Variants in CA10 observed in about 807,000 individuals in gnomAD.
CA10 encodes carbonic anhydrase 10 (inactive).
A neutral mutation model predicts 44.2 loss-of-function variants in CA10; 14 were observed. That is an observed-to-expected ratio of 0.32 (90% CI 0.21 to 0.50). The LOEUF is 0.50. CA10 is among the 20% of genes least tolerant of loss of function. The pLI is 0.99. For synonymous variants in CA10, 159 were observed against 141.6 expected, an observed-to-expected ratio of 1.12 and a Z score of -0.87; for missense variants, 350 against 409.7, an observed-to-expected ratio of 0.85 and a Z score of 1.26.
rs184916249 is a variant in CA10 at position 51,781,603 on chromosome 17, G to A, written c.280-33785C>T. Among the ~76,000 whole-genome samples the A allele has an allele frequency of 1.7e-3, 256 of 152,264 alleles. 2 individuals carry two copies. The highest frequency in any genetic ancestry group is 0.014 in the South Asian group (69 of 4,822). ...CCACTGGACTTTGAGTTCCTTGAAA[G>A]TGGACCAATTCATTTGTCATCTACA... On this transcript the variant is annotated intron_variant, in intron 3 of 8. Coordinates refer to ENST00000451037, the MANE Select transcript of CA10 (RefSeq NM_020178.5).
intron 3 of CA10, among the ~76,000 whole-genome samples, chr17:51,770,408 C>A (rs147178838): frequency 6.6e-6 from 1 of 151,896 alleles, no homozygotes; most frequent in Non-Finnish European, 1.5e-5. Flanking sequence ...AACCCTCCCC[C>A]GAGACCCTAG....
At chr17:52,025,675 A>C (rs1986278054) in intron 2 of CA10, among the ~76,000 whole-genome samples, 1 of 152,142 alleles carries the variant, frequency 6.6e-6, no homozygotes, top group South Asian at 2.1e-4. Flanking sequence ...TGCCATTTCT[A>C]TTCATGAATG....
At chr17:51,718,917 T>C (rs1916266733) in intron 4 of CA10, among the ~76,000 whole-genome samples, 2 of 152,342 alleles carry the variant, frequency 1.3e-5, no homozygotes, top group South Asian at 4.1e-4. Context: ...CTTTTCTCCA[T>C]ATCTCATACT....
intron 3 of CA10, among the ~76,000 whole-genome samples, chr17:51,875,975 T>G (rs1410407316): frequency 6.6e-6 from 1 of 152,172 alleles, no homozygotes; most frequent in Non-Finnish European, 1.5e-5. Context: ...TATATGCTAT[T>G]GCATTTATCA....
At chr17:52,139,039 G>C (rs563380605) in intron 1 of CA10, among the ~76,000 whole-genome samples, 1 of 152,142 alleles carries the variant, frequency 6.6e-6, no homozygotes, top group East Asian at 1.9e-4. Flanking sequence ...TGAAGAAATG[G>C]AATGCAATCA....
At chr17:52,014,566 G>T (rs1005092) in intron 2 of CA10, among the ~76,000 whole-genome samples, 55,088 of 151,894 alleles carry the variant, frequency 0.36, 10,945 homozygotes, top group East Asian at 0.73. Context: ...GGAGGATTAA[G>T]GAAATAAGGT....
intron 3 of CA10, among the ~76,000 whole-genome samples, chr17:51,767,016 A>T (rs189000206): frequency 2.3e-4 from 35 of 152,190 alleles, no homozygotes; most frequent in Admixed American, 4.6e-4. Flanking sequence ...GTTGCTATTT[A>T]AAAAATCTCT....
At chr17:51,969,853 AT>A (rs1342440113) in intron 2 of CA10, among the ~76,000 whole-genome samples, 2 of 152,010 alleles carry the variant, frequency 1.3e-5, no homozygotes, top group Non-Finnish European at 2.9e-5. Flanking sequence ...CGGAAAAAAA[AT>A]AAAATAAAAA....
rs571217367 is a variant in CA10, at chr17:51,949,155, A to T, written c.137-18023T>A. Among the ~76,000 whole-genome samples, 11 of 152,328 alleles carry T rather than the reference A, an allele frequency of 7.2e-5. No individual in the cohort carries two copies. The East Asian group carries it at 1.9e-3, about 27-fold the overall frequency. On this transcript the variant is annotated intron_variant, in intron 2 of 8. Transcript: ENST00000451037. ...GGGCAGCAGGATTTTTCTTCTGCCCAATATTTAGTTGGGATTGCAATAACT... is the reference window on the plus strand; with the variant it reads ...GGGCAGCAGGATTTTTCTTCTGCCCTATATTTAGTTGGGATTGCAATAACT...
chr17:52,001,476 A>T (rs1171796814), intron 2 of CA10, among the ~76,000 whole-genome samples: 1 of 152,048 alleles, frequency 6.6e-6, no homozygotes, highest in Non-Finnish European at 1.5e-5. Flanking sequence ...TTTTCAGTGA[A>T]GTGAATAAGA....
At chr17:52,014,800 G>A (rs1985916843) in intron 2 of CA10, among the ~76,000 whole-genome samples, 1 of 151,962 alleles carries the variant, frequency 6.6e-6, no homozygotes, top group Non-Finnish European at 1.5e-5. Context: ...ACCCAAGCAA[G>A]TAACTAGATG....
At chr17:51,975,782 G>T (rs77510683) in intron 2 of CA10, among the ~76,000 whole-genome samples, 3,178 of 150,184 alleles carry the variant, frequency 0.021, 114 homozygotes, top group African/African-American at 0.073. Flanking sequence ...AAAATCGCTA[G>T]ATCGTTAGAA....
chr17:52,050,567 C>T (rs1056205953), intron 2 of CA10, among the ~76,000 whole-genome samples: 1 of 152,092 alleles, frequency 6.6e-6, no homozygotes, highest in Admixed American at 6.6e-5. Flanking sequence ...AAATGGCCTA[C>T]AAGGCCTCTT....
chr17:51,939,755 T>C (rs1242816945), intron 2 of CA10, among the ~76,000 whole-genome samples: 1 of 152,122 alleles, frequency 6.6e-6, no homozygotes, highest in African/African-American at 2.4e-5. Flanking sequence ...TTATTTATGT[T>C]TTTCATTTCA....
rs188857700 is a variant in CA10, at chr17:52,002,053, A to T, written c.136+70266T>A. 2.8e-4 allele frequency among the ~76,000 whole-genome samples: 43 copies of T among 152,024 alleles called. 2 individuals are homozygous for T. The East Asian group carries it at 8.2e-3, about 29-fold the overall frequency. ...CTGAGATTTATCCTGGTTTTAACAAAAATATGTTAGGAAGAGAGTAAAGAG... is the reference window on the plus strand; with the variant it reads ...CTGAGATTTATCCTGGTTTTAACAATAATATGTTAGGAAGAGAGTAAAGAG... On this transcript the variant is annotated intron_variant, in intron 2 of 8. Transcript: ENST00000451037.
chr17:51,725,857 T>G (rs79626913), intron 4 of CA10, among the ~76,000 whole-genome samples: 2,851 of 152,242 alleles, frequency 0.019, 111 homozygotes, highest in African/African-American at 0.066. Flanking sequence ...TGCTGGACAC[T>G]GTGTTCTAAG....
chr17:52,047,799 G>A (rs2144203567), intron 2 of CA10, among the ~76,000 whole-genome samples: 1 of 151,668 alleles, frequency 6.6e-6, no homozygotes, highest in South Asian at 2.1e-4. Flanking sequence ...CCTAATATAT[G>A]GAATTTATTT....
chr17:52,029,368 T>C (rs1305251688), intron 2 of CA10, among the ~76,000 whole-genome samples: 2 of 152,160 alleles, frequency 1.3e-5, no homozygotes, highest in African/African-American at 4.8e-5. Flanking sequence ...CCCACAACTT[T>C]TGAGTGCTCT....
Position 52,083,051 on chromosome 17 carries a change from A to G in CA10, c.62-10658T>C, listed in dbSNP as rs1199954233. Among the ~76,000 whole-genome samples the G allele has an allele frequency of 1.1e-4, 17 of 152,202 alleles. 1 individual carries two copies. ...CCTCCCATAAATCATAGCAATAAGG[A>G]AAATGTGTATGTGCTATATTCAGAA... On this transcript the variant is annotated intron_variant, in intron 1 of 8. Transcript: ENST00000451037.
Sources: allele counts gnomAD v4.1 joint callset (sites outside exome capture counted in the v4.1 genomes callset), GRCh38; gene constraint gnomAD v4.1.1; transcripts MANE v1.5; gene names NCBI Gene and HGNC (gene_info 2026-07-23, HGNC 2026-07-21).